The following TMEM126A variants were observed in gnomAD, a reference collection of about 807,000 sequenced individuals.
TMEM126A encodes transmembrane protein 126A, also known as optic atrophy 7.
TMEM126A carries 10 observed loss-of-function variants against 18.3 expected under a neutral mutation model. The observed-to-expected ratio is 0.55, with a 90% CI of 0.34 to 0.93. TMEM126A has a LOEUF of 0.93. Among genes scored for constraint, TMEM126A ranks in the 40% least tolerant of loss-of-function variants. TMEM126A has a pLI of 0.02. For missense variants in TMEM126A, 246 were observed against 230.2 expected, an observed-to-expected ratio of 1.07 and a Z score of -0.44; for synonymous variants, 68 against 78.1, an observed-to-expected ratio of 0.87 and a Z score of 0.68.
chr11:85,654,350 T>A (rs2082522765), intron 3 of TMEM126A, 94 bp downstream of exon 3: 2 of 1,206,252 alleles, frequency 1.7e-6, no homozygotes, highest in Admixed American at 1.8e-5. Context: ...AGCTGTATGC[T>A]GTAATGCAGT....
intron 3 of TMEM126A, among the ~76,000 whole-genome samples, chr11:85,654,772 A>C (rs900863376): frequency 6.6e-6 from 1 of 151,922 alleles, no homozygotes; most frequent in Non-Finnish European, 1.5e-5. Flanking sequence ...TTTTTCTAAC[A>C]TATCTTTCTC....
rs749084670 is a variant in TMEM126A, at chr11:85,648,053, A to ACCT, written c.-44_-43insCCT. On this transcript the variant is annotated 5_prime_UTR_variant, in exon 1 of 5. Transcript: ENST00000304511. ...TGAACTCCGGCGTGGCTGAGGAAGG[A>ACCT]GGAGGCACCCACAGGCTGCTGGGAG... 7.0e-6 allele frequency: 1 copy of ACCT among 143,206 alleles called. No homozygotes were observed. Among genetic ancestry groups the ACCT allele is most frequent in the Non-Finnish European group, 1.5e-5 (1 of 65,798 alleles). The allele number at this position is 143,206 out of a possible 1,614,324, so 8.9% of individuals were successfully genotyped here.
Position 85,654,617 on chromosome 11 carries a change from A to G in TMEM126A, c.280+361A>G, listed in dbSNP as rs998366813. Among the ~76,000 whole-genome samples, 5 of 152,116 alleles carry G rather than the reference A, an allele frequency of 3.3e-5. No homozygotes were observed. The East Asian group carries it at 7.7e-4, about 24-fold the overall frequency. On this transcript the variant is annotated intron_variant, in intron 3 of 4. Coordinates refer to ENST00000304511, the MANE Select transcript of TMEM126A (RefSeq NM_032273.4). ...CAGGTGCCCACCACCATGCCCGGCT[A>G]ATTTTTTGTATTTTTAGTAGAGACA...
At chr11:85,652,196 G>A (rs969306817) in intron 2 of TMEM126A, among the ~76,000 whole-genome samples, 3 of 152,320 alleles carry the variant, frequency 2.0e-5, no homozygotes, top group African/African-American at 7.2e-5. Context: ...TTGAAGAGAA[G>A]AAAGCAGTCT....
chr11:85,650,134 T>TA (rs1173698110), intron 1 of TMEM126A, 115 bp from the exon 2 acceptor site: 12 of 630,862 alleles, frequency 1.9e-5, no homozygotes, highest in Non-Finnish European at 1.1e-5. Context: ...TTTTTAATAA[T>TA]ATGTATGCAA....
At chr11:85,652,578 GT>G (rs1454283140) in intron 2 of TMEM126A, among the ~76,000 whole-genome samples, 1 of 152,116 alleles carries the variant, frequency 6.6e-6, no homozygotes, top group Non-Finnish European at 1.5e-5. Context: ...AAAGTCATGA[GT>G]TTTTAGTTGG....
At chr11:85,655,480 TTTGATATATTAC>T in intron 3 of TMEM126A, 102 bp from the exon 4 acceptor site, 1 of 795,842 alleles carries the variant, frequency 1.3e-6, no homozygotes, top group Non-Finnish European at 2.2e-6. Context: ...TACAATTACA[TTTGATATATTAC>T]CTGAAAAATA....
Position 85,655,728 on chromosome 11 carries a change from T to G in TMEM126A, c.395+20T>G. 2 of 1,529,994 alleles carry G rather than the reference T, an allele frequency of 1.3e-6. No homozygotes were observed. Among genetic ancestry groups the G allele is most frequent in the Non-Finnish European group, 1.8e-6 (2 of 1,103,778 alleles). The allele number at this position is 1,529,994 out of a possible 1,614,324, so 94.8% of individuals were successfully genotyped here. On this transcript the variant is annotated intron_variant, in intron 4 of 4. Coordinates refer to ENST00000304511, the MANE Select transcript of TMEM126A (RefSeq NM_032273.4). ...AGCCAGGTAGGAAATAAAAAACTTT[T>G]TATAATATGTGATTACCTATAAAAC...
At chr11:85,651,598 C>G (rs1442535800) in intron 2 of TMEM126A, among the ~76,000 whole-genome samples, 1 of 152,106 alleles carries the variant, frequency 6.6e-6, no homozygotes, top group African/African-American at 2.4e-5. Context: ...CTGAACAAAT[C>G]CCCATCTTGC....
intron 2 of TMEM126A, among the ~76,000 whole-genome samples, chr11:85,653,073 C>G (rs1019743660): frequency 6.6e-6 from 1 of 152,142 alleles, no homozygotes; most frequent in African/African-American, 2.4e-5. Context: ...CCACCATTAC[C>G]ATTTTCATAG....
Position 85,656,461 on chromosome 11 carries a change from A to C in TMEM126A, c.548A>C (p.Lys183Thr). The C allele has an allele frequency of 1.2e-6, 2 of 1,613,212 alleles. No individual in the cohort carries two copies. Among genetic ancestry groups the C allele is most frequent in the Non-Finnish European group, 1.7e-6 (2 of 1,179,546 alleles). Reference protein sequence around the residue: ...LGSEQYKLLIKALQLSEPGKE... With the variant: ...LGSEQYKLLITALQLSEPGKE... ...TCTGAACAATATAAACTACTTATAA[A>C]GGCCCTTCAGTTATCTGAACCTGGC... Residue 183 changes from lysine (K) to threonine (T), a missense_variant, in exon 5 of 5, where the codon AAG becomes ACG. By Grantham distance (78) the Lys-to-Thr change is moderately conservative (BLOSUM62 -1). Coordinates refer to ENST00000304511, the MANE Select transcript of TMEM126A (RefSeq NM_032273.4).
chr11:85,656,211 TTTATC>T, intron 4 of TMEM126A, 93 bp from the exon 5 acceptor site: 1 of 1,088,196 alleles, frequency 9.2e-7, no homozygotes, highest in South Asian at 1.3e-5. Flanking sequence ...AATATTCAGT[TTTATC>T]TTAAGACTTC....
chr11:85,649,729 T>C (rs1187155966), intron 1 of TMEM126A, among the ~76,000 whole-genome samples: 2 of 152,226 alleles, frequency 1.3e-5, no homozygotes, highest in Non-Finnish European at 2.9e-5. Flanking sequence ...TCACTGTGGG[T>C]TGTTCCCCCA....
intron 3 of TMEM126A, among the ~76,000 whole-genome samples, chr11:85,655,073 TAC>T (rs2082527812): frequency 6.6e-6 from 1 of 152,108 alleles, no homozygotes; most frequent in South Asian, 2.1e-4. Flanking sequence ...ATACTTTGAG[TAC>T]AGTTAATCAT....
chr11:85,651,069 C>CAAAAA lies in TMEM126A; in HGVS notation c.86+746_86+750dup, dbSNP rs3068382. Among the ~76,000 whole-genome samples, 201 of 79,776 alleles carry CAAAAA rather than the reference C, an allele frequency of 2.5e-3. 9 individuals are homozygous for CAAAAA. The highest frequency in any genetic ancestry group is 9.8e-3 in the African/African-American group (179 of 18,248). The allele number at this position is 79,776 out of a possible 152,430, so 52.3% of individuals were successfully genotyped here. A position where few individuals can be genotyped will look rare whatever the true frequency, so the allele number is the denominator to read the frequency against. On this transcript the variant is annotated intron_variant, in intron 2 of 4. Transcript: ENST00000304511. ...GGGCGACAAGAGTGAGGATCCGTCTCAAAAAAAAAAAAAAAAAAAAAAGAT... is the reference window on the plus strand; with the variant it reads ...GGGCGACAAGAGTGAGGATCCGTCTCAAAAAAAAAAAAAAAAAAAAAAAAAAAGAT...
chr11:85,656,239 G>C (rs2082537214), intron 4 of TMEM126A, 70 bp from the exon 5 acceptor site: 1 of 1,276,722 alleles, frequency 7.8e-7, no homozygotes, highest in Non-Finnish European at 1.1e-6. Flanking sequence ...GGACTAATAT[G>C]TATCACAGAT....
At chr11:85,656,256 G>A (rs981691364) in intron 4 of TMEM126A, 53 bp from the exon 5 acceptor site, 2 of 1,498,252 alleles carry the variant, frequency 1.3e-6, no homozygotes, top group Middle Eastern at 2.4e-4. Flanking sequence ...AGATGGGTTT[G>A]CCATTTGATG....
At chr11:85,648,402 C>T (rs1005618321) in intron 1 of TMEM126A, among the ~76,000 whole-genome samples, 2 of 152,176 alleles carry the variant, frequency 1.3e-5, no homozygotes, top group Non-Finnish European at 2.9e-5. Context: ...CCCACACTGC[C>T]TATCTCTCAG....
rs779437728 is a variant in TMEM126A at position 85,656,503 on chromosome 11, T to A, written c.*2T>A. 4 of 1,609,844 alleles carry A rather than the reference T, an allele frequency of 2.5e-6. No homozygotes were observed. The South Asian group carries it at 4.4e-5, about 18-fold the overall frequency. On this transcript the variant is annotated 3_prime_UTR_variant, in exon 5 of 5. Transcript: ENST00000304511. ...GAACCTGGCAAAGAAATTCACTGAT[T>A]TTAAACAAATATGTAAACAAAAATA...
Sources: gnomAD v4.1 joint callset for allele counts (sites outside exome capture counted in the v4.1 genomes callset) on GRCh38, gnomAD v4.1.1 for gene constraint, MANE v1.5 for transcripts, NCBI Gene and HGNC (gene_info 2026-07-23, HGNC 2026-07-21) for gene names.